AFG3L2: variants seen among roughly 807,000 people sequenced by gnomAD.
AFG3L2 encodes mitochondrial inner membrane m-AAA protease component AFG3L2.
In AFG3L2, 54 loss-of-function variants were observed where a neutral mutation model predicts 94.5. That is an observed-to-expected ratio of 0.57 (90% CI 0.46 to 0.72). The LOEUF is 0.72. Among genes scored for constraint, AFG3L2 ranks in the 30% least tolerant of loss-of-function variants. The probability of loss-of-function intolerance (pLI) is 0.00; values close to 1 mark genes in which losing one functional copy is unlikely to be tolerated. For missense variants in AFG3L2, 754 were observed against 994.9 expected (o/e 0.76, Z 3.26); for synonymous variants, 377 against 365.5 (o/e 1.03, Z -0.36).
intron 9 of AFG3L2, among the ~76,000 whole-genome samples, chr18:12,354,132 A>ACCCC (rs1555672008): frequency 1.1e-4 from 6 of 55,890 alleles, no homozygotes; most frequent in African/African-American, 4.8e-4. Flanking sequence ...GCCCACTCCC[A>ACCCC]CCCCCCCCCC....
intron 6 of AFG3L2, 120 bp from the exon 7 acceptor site, chr18:12,360,171 TAAAC>T: frequency 1.1e-6 from 1 of 932,028 alleles, no homozygotes; most frequent in Non-Finnish European, 1.6e-6. Context: ...AATTAAAGAA[TAAAC>T]AATAATAAAA....
chr18:12,331,969 G>A lies in AFG3L2; in HGVS notation c.2176-2186C>T, dbSNP rs538822586. Among the ~76,000 whole-genome samples, 72 of 151,974 alleles carry A rather than the reference G, an allele frequency of 4.7e-4. 1 individual carries two copies. In the Middle Eastern group the frequency reaches 0.01, roughly 22 times the overall value. The stretch of plus-strand genomic sequence containing the variant: ...CTGGACCATAAATTTGACATTACAC[G>A]TTTTAACAGCCTACAGAAAAAGGGA... On this transcript the variant is annotated intron_variant, in intron 16 of 16. Transcript: ENST00000269143.
At chr18:12,347,654 G>T (rs1407211404) in intron 13 of AFG3L2, among the ~76,000 whole-genome samples, 1 of 151,608 alleles carries the variant, frequency 6.6e-6, no homozygotes, top group African/African-American at 2.4e-5. Flanking sequence ...GGGTTCAAGC[G>T]ATTCTCCTGC....
intron 5 of AFG3L2, among the ~76,000 whole-genome samples, chr18:12,365,759 TCTTA>T (rs1908784249): frequency 6.6e-6 from 1 of 152,206 alleles, no homozygotes; most frequent in Non-Finnish European, 1.5e-5. Flanking sequence ...ATTCATGTCG[TCTTA>T]CTTTATCCAT....
rs1266169349 is a variant in AFG3L2, at chr18:12,349,262, C to T, written c.1553-879G>A. Among the ~76,000 whole-genome samples the T allele has an allele frequency of 2.0e-5, 3 of 152,082 alleles. No individual in the cohort carries two copies. In the East Asian group the frequency reaches 5.8e-4, roughly 29 times the overall value. Reference sequence around the variant, plus strand: ...GATGGCTGTAATAAAAAGACAGTGACGAGTGCTGGCAAGGATGTGGAGAAA... The same window carrying T: ...GATGGCTGTAATAAAAAGACAGTGATGAGTGCTGGCAAGGATGTGGAGAAA... On this transcript the variant is annotated intron_variant, in intron 12 of 16. Coordinates refer to ENST00000269143, the MANE Select transcript of AFG3L2 (RefSeq NM_006796.3).
At chr18:12,332,831 C>T (rs1348772915) in intron 16 of AFG3L2, among the ~76,000 whole-genome samples, 1 of 47,578 alleles carries the variant, frequency 2.1e-5, no homozygotes, top group Admixed American at 2.3e-4. Flanking sequence ...TCTCAATTTG[C>T]TTATACACAC....
Position 12,329,556 on chromosome 18 carries a change from T to G in AFG3L2, c.*9A>C, listed in dbSNP as rs1306093561. ...AGTGGACAGACTGAGATGGCCTCCCTCTGGGCCTCTAGTTGGCAACTTTCT... is the reference window on the plus strand; with the variant it reads ...AGTGGACAGACTGAGATGGCCTCCCGCTGGGCCTCTAGTTGGCAACTTTCT... On this transcript the variant is annotated 3_prime_UTR_variant, in exon 17 of 17. Transcript: ENST00000269143. 6 of 1,613,306 alleles carry G rather than the reference T, an allele frequency of 3.7e-6. No individual in the cohort carries two copies. The highest frequency in any genetic ancestry group is 5.1e-6 in the Non-Finnish European group (6 of 1,179,840).
intron 16 of AFG3L2, among the ~76,000 whole-genome samples, chr18:12,332,932 C>CTATATAATATATATATTA (rs1282089860): frequency 8.8e-6 from 1 of 113,046 alleles, no homozygotes; most frequent in African/African-American, 3.4e-5. Flanking sequence ...ATAACATATA[C>CTATATAATATATATATTA]TATATAACAT....
At position 12,344,848 on chromosome 18, in the gene AFG3L2, C is replaced by T. The variant is rs554814905; in HGVS notation, c.1664-601G>A. 9.2e-5 allele frequency among the ~76,000 whole-genome samples: 14 copies of T among 152,294 alleles called. No individual in the cohort carries two copies. The South Asian group carries it at 2.1e-3, about 23-fold the overall frequency. On this transcript the variant is annotated intron_variant, in intron 13 of 16. Coordinates refer to ENST00000269143, the MANE Select transcript of AFG3L2 (RefSeq NM_006796.3). ...CCCTAACTCTCTCACTTTTAAGCCA[C>T]ACACCCTGTGTTTTGGGAAACAAAT...
At chr18:12,333,009 TA>T (rs1174641172) in intron 16 of AFG3L2, among the ~76,000 whole-genome samples, 104 of 78,312 alleles carry the variant, frequency 1.3e-3, no homozygotes, top group African/African-American at 3.5e-3. Flanking sequence ...ATATATAATA[TA>T]AAATATATTA....
chr18:12,367,203 T>C (rs1168740889), intron 4 of AFG3L2, 73 bp downstream of exon 4: 1 of 1,611,638 alleles, frequency 6.2e-7, no homozygotes, highest in African/African-American at 1.3e-5. Context: ...CCTCCAACAC[T>C]ACACTAATGC....
intron 9 of AFG3L2, among the ~76,000 whole-genome samples, chr18:12,354,991 G>A (rs1908445451): frequency 6.6e-6 from 1 of 152,116 alleles, no homozygotes; most frequent in South Asian, 2.1e-4. Flanking sequence ...AAGGCAGGGG[G>A]TGCATCACCT....
At chr18:12,361,248 T>C (rs113203868) in intron 6 of AFG3L2, among the ~76,000 whole-genome samples, 1,703 of 152,078 alleles carry the variant, frequency 0.011, 34 homozygotes, top group African/African-American at 0.039. Flanking sequence ...CACCCACCTA[T>C]AGGCCCAGCT....
intron 1 of AFG3L2, among the ~76,000 whole-genome samples, chr18:12,374,755 T>A (rs908153965): frequency 7.2e-5 from 11 of 152,130 alleles, no homozygotes; most frequent in African/African-American, 2.4e-4. Flanking sequence ...CCAATATTCA[T>A]GAGCAGCAAA....
In AFG3L2 at chr18:12,340,219, A is replaced by G; in HGVS notation, c.1962T>C (p.Thr654=). 6.2e-7 allele frequency: 1 copy of G among 1,614,010 alleles called. No individual in the cohort carries two copies. Among genetic ancestry groups the G allele is most frequent in the Non-Finnish European group, 8.5e-7 (1 of 1,179,966 alleles). Residue 654 remains threonine (T), a synonymous_variant, in exon 15 of 17, where the codon ACT becomes ACC. Coordinates refer to ENST00000269143, the MANE Select transcript of AFG3L2 (RefSeq NM_006796.3). ...TACTCACTTGGGCATATGCACTCTG[A>G]GTTACTTTTCTCAAGTCATCTTGAG... is the stretch of plus-strand genomic sequence containing the variant. The part of the protein sequence containing the change: ...TGAQDDLRKV[T]QSAYAQIVQF...
chr18:12,357,696 G>C (rs372069363), intron 8 of AFG3L2, among the ~76,000 whole-genome samples: 1 of 151,912 alleles, frequency 6.6e-6, no homozygotes, highest in East Asian at 1.9e-4. Flanking sequence ...CTCCCAGGTT[G>C]AAGCGATTCT....
At chr18:12,348,149 T>C (rs1372579449) in intron 13 of AFG3L2, 124 bp downstream of exon 13, 1 of 788,296 alleles carries the variant, frequency 1.3e-6, no homozygotes, top group Non-Finnish European at 2.2e-6. Context: ...AGCACAAATG[T>C]GGTGGGCCCC....
At chr18:12,356,974 AG>A in intron 8 of AFG3L2, 143 bp from the exon 9 acceptor site, 1 of 839,734 alleles carries the variant, frequency 1.2e-6, no homozygotes, top group Admixed American at 2.8e-5. Flanking sequence ...GAGCTATGGT[AG>A]AACATTTTTA....
chr18:12,361,730 A>G (rs1568143626), intron 6 of AFG3L2, among the ~76,000 whole-genome samples: 1 of 152,258 alleles, frequency 6.6e-6, no homozygotes, highest in Non-Finnish European at 1.5e-5. Context: ...AGTGAGGAAC[A>G]TTACTTTGGT....
Sources: gnomAD v4.1 joint callset for allele counts (sites outside exome capture counted in the v4.1 genomes callset) on GRCh38, gnomAD v4.1.1 for gene constraint, MANE v1.5 for transcripts, NCBI Gene and HGNC (gene_info 2026-07-23, HGNC 2026-07-21) for gene names.